The following LRRC7 variants were observed in gnomAD, a reference collection of about 807,000 sequenced individuals.
LRRC7 encodes leucine rich repeat containing 7, also known as leucine-rich repeat-containing protein 7.
In LRRC7, 23 loss-of-function variants were observed where a neutral mutation model predicts 175.7. The observed-to-expected ratio is 0.13, with a 90% CI of 0.09 to 0.19. The LOEUF (loss-of-function observed/expected upper bound fraction) is 0.19, where lower values mean the gene tolerates loss of function less well. LRRC7 is among the 10% of genes least tolerant of loss of function. The pLI is 1.00. For missense variants in LRRC7, 1,354 were observed against 1,904.7 expected (o/e 0.71, Z 5.38); for synonymous variants, 685 against 680.9 (o/e 1.01, Z -0.09).
intron 23 of LRRC7, among the ~76,000 whole-genome samples, chr1:70,057,695 G>C (rs983580238): frequency 1.3e-5 from 2 of 152,058 alleles, no homozygotes; most frequent in Non-Finnish European, 2.9e-5. Flanking sequence ...GACTGAACTT[G>C]TGGCTCTCTG....
chr1:69,860,443 G>C (rs1245227897), intron 7 of LRRC7, among the ~76,000 whole-genome samples: 1 of 151,930 alleles, frequency 6.6e-6, no homozygotes, highest in African/African-American at 2.4e-5. Flanking sequence ...AGGTGGATTA[G>C]GGATTCAAAG....
chr1:69,735,533 A>G (rs555798359), intron 2 of LRRC7, among the ~76,000 whole-genome samples: 60 of 152,232 alleles, frequency 3.9e-4, no homozygotes, highest in African/African-American at 1.4e-3. Flanking sequence ...GTGATACTAA[A>G]TTTGACCACT....
At position 70,130,804 on chromosome 1, in the gene LRRC7, T is replaced by C. The variant is rs1198133617; in HGVS notation, c.*8917T>C. ...GATGTGGAGGGAAGAATAAAAGATG[T>C]CATGAGAGAGACGAGGCTACGGAAG... On this transcript the variant is annotated 3_prime_UTR_variant, in exon 27 of 27. Coordinates refer to ENST00000651989, the MANE Select transcript of LRRC7 (RefSeq NM_001370785.2). Among the ~76,000 whole-genome samples, 1 of 152,164 alleles carries C rather than the reference T, an allele frequency of 6.6e-6. No individual in the cohort carries two copies. Among genetic ancestry groups the C allele is most frequent in the African/African-American group, 2.4e-5 (1 of 41,422 alleles).
At chr1:69,945,813 C>T (rs909323923) in intron 8 of LRRC7, among the ~76,000 whole-genome samples, 2 of 152,020 alleles carry the variant, frequency 1.3e-5, no homozygotes, top group Admixed American at 1.3e-4. Context: ...TATAAAAACT[C>T]TATTAATTTT....
chr1:69,847,090 T>G (rs1392861859), intron 7 of LRRC7, among the ~76,000 whole-genome samples: 2 of 152,050 alleles, frequency 1.3e-5, no homozygotes, highest in East Asian at 3.9e-4. Context: ...TTAAAATTGG[T>G]AGCTTCTTTA....
chr1:69,884,507 G>A (rs1256410176), intron 7 of LRRC7, among the ~76,000 whole-genome samples: 2 of 134,804 alleles, frequency 1.5e-5, no homozygotes, highest in Non-Finnish European at 3.1e-5. Context: ...ACCTTAAGGC[G>A]ATTTTGGGCT....
At chr1:69,628,242 G>A (rs1005450225) in intron 1 of LRRC7, among the ~76,000 whole-genome samples, 2 of 150,748 alleles carry the variant, frequency 1.3e-5, no homozygotes. Flanking sequence ...AAGTCAGAAT[G>A]AGTAAAAAAA....
intron 7 of LRRC7, among the ~76,000 whole-genome samples, chr1:69,854,177 C>T (rs763645158): frequency 9.9e-5 from 15 of 152,008 alleles, no homozygotes; most frequent in Non-Finnish European, 2.1e-4. Context: ...TGATTCTTCA[C>T]CCTTGTATTA....
At chr1:70,036,695 C>G in intron 20 of LRRC7, 71 bp downstream of exon 20, 1 of 1,480,794 alleles carries the variant, frequency 6.8e-7, no homozygotes, top group Non-Finnish European at 9.1e-7. Context: ...ATGGAATCTT[C>G]TTAATTTTGG....
At chr1:69,938,705 C>G (rs1014623502) in intron 8 of LRRC7, among the ~76,000 whole-genome samples, 1 of 151,780 alleles carries the variant, frequency 6.6e-6, no homozygotes, top group Admixed American at 6.6e-5. Flanking sequence ...CCCTAGTTCA[C>G]CAAAGGTGTG....
intron 8 of LRRC7, among the ~76,000 whole-genome samples, chr1:69,961,451 T>C (rs1392868149): frequency 6.6e-6 from 1 of 152,100 alleles, no homozygotes; most frequent in East Asian, 1.9e-4. Context: ...TAAACTACCA[T>C]TGACATTCTT....
At chr1:69,697,913 C>A (rs60968692) in intron 2 of LRRC7, among the ~76,000 whole-genome samples, 34,631 of 152,108 alleles carry the variant, frequency 0.23, 4,527 homozygotes, top group South Asian at 0.32. Context: ...ACAACTGAGG[C>A]CTTGGAGGCA....
intron 2 of LRRC7, among the ~76,000 whole-genome samples, chr1:69,687,418 G>A (rs2100641638): frequency 6.7e-6 from 1 of 149,834 alleles, no homozygotes. Context: ...GCTGAGGCAG[G>A]AGAATCACTT....
chr1:69,610,491 G>T (rs1026483340), intron 1 of LRRC7, among the ~76,000 whole-genome samples: 5 of 151,856 alleles, frequency 3.3e-5, no homozygotes, highest in African/African-American at 1.2e-4. Context: ...ATGACTTCTT[G>T]TTGTTTTCTA....
chr1:69,809,748 T>A (rs1166358023), intron 4 of LRRC7, among the ~76,000 whole-genome samples: 1 of 152,102 alleles, frequency 6.6e-6, no homozygotes, highest in Non-Finnish European at 1.5e-5. Flanking sequence ...AAACTCTCAA[T>A]AAACTAGCTA....
At chr1:69,890,296 C>A (rs1645795751) in intron 7 of LRRC7, among the ~76,000 whole-genome samples, 1 of 152,192 alleles carries the variant, frequency 6.6e-6, no homozygotes, top group African/African-American at 2.4e-5. Context: ...GGCATAAAAA[C>A]AACACTAATC....
At chr1:69,745,764 C>A (rs956363201) in intron 2 of LRRC7, among the ~76,000 whole-genome samples, 2 of 149,370 alleles carry the variant, frequency 1.3e-5, no homozygotes, top group South Asian at 2.1e-4. Context: ...AGTGGTGCAA[C>A]CTTAAATGAA....
At chr1:69,714,690 G>T (rs1318899654) in intron 2 of LRRC7, among the ~76,000 whole-genome samples, 3 of 152,134 alleles carry the variant, frequency 2.0e-5, no homozygotes, top group African/African-American at 7.2e-5. Flanking sequence ...AGTCTTCCTG[G>T]TTCATAAAGT....
At chr1:69,854,324 C>T (rs998792523) in intron 7 of LRRC7, among the ~76,000 whole-genome samples, 21 of 151,994 alleles carry the variant, frequency 1.4e-4, no homozygotes, top group African/African-American at 4.6e-4. Context: ...GTGGTAAGAT[C>T]CCATCTCTAC....
Sources: allele counts gnomAD v4.1 joint callset (sites outside exome capture counted in the v4.1 genomes callset), GRCh38; gene constraint gnomAD v4.1.1; transcripts MANE v1.5; gene names NCBI Gene and HGNC (gene_info 2026-07-23, HGNC 2026-07-21).